The following SLC8A1 variants were observed in gnomAD, a reference collection of about 807,000 sequenced individuals.
SLC8A1 encodes the protein solute carrier family 8 member A1.
SLC8A1 carries 18 observed loss-of-function variants against 68.3 expected under a neutral mutation model. The ratio of observed to expected loss-of-function variants is 0.26; its 90% CI spans 0.18 to 0.39. The LOEUF is 0.39. Ranked by LOEUF, SLC8A1 falls within the 10% of genes least tolerant of loss-of-function variation. The pLI, the probability that SLC8A1 is intolerant of heterozygous loss-of-function variation, is 1.00. For synonymous variants in SLC8A1, 475 were observed against 415.5 expected (o/e 1.14, Z -1.74); for missense variants, 985 against 1,156.7 (o/e 0.85, Z 2.15).
intron 2 of SLC8A1, among the ~76,000 whole-genome samples, chr2:40,380,298 T>C (rs1681323673): frequency 6.6e-6 from 1 of 152,190 alleles, no homozygotes; most frequent in African/African-American, 2.4e-5. Flanking sequence ...GGCCCTTGCC[T>C]TCACAGTCTA....
intron 1 of SLC8A1, among the ~76,000 whole-genome samples, chr2:40,494,978 A>G (rs1211784441): frequency 6.6e-6 from 1 of 151,828 alleles, no homozygotes; most frequent in East Asian, 1.9e-4. Flanking sequence ...AAAAAACTGA[A>G]GCAAAGATTG....
intron 2 of SLC8A1, among the ~76,000 whole-genome samples, chr2:40,362,048 C>G (rs1284406941): frequency 6.6e-6 from 1 of 151,462 alleles, no homozygotes; most frequent in Non-Finnish European, 1.5e-5. Context: ...GCATGCACCA[C>G]CATGCCCTGC....
At chr2:40,275,066 A>T (rs931839067) in intron 2 of SLC8A1, among the ~76,000 whole-genome samples, 1 of 152,254 alleles carries the variant, frequency 6.6e-6, no homozygotes, top group Admixed American at 6.5e-5. Flanking sequence ...ATTAGTATTA[A>T]AACAATTGAC....
intron 1 of SLC8A1, among the ~76,000 whole-genome samples, chr2:40,472,080 G>C (rs923550762): frequency 3.3e-5 from 5 of 152,140 alleles, no homozygotes; most frequent in Non-Finnish European, 7.4e-5. Flanking sequence ...CATGGAAGTG[G>C]AGGAATCAAA....
chr2:40,406,640 A>T (rs1690438208), intron 2 of SLC8A1, among the ~76,000 whole-genome samples: 1 of 152,152 alleles, frequency 6.6e-6, no homozygotes, highest in Non-Finnish European at 1.5e-5. Flanking sequence ...TCAGTGTGGC[A>T]GAGCTGTGGG....
chr2:40,358,854 G>A (rs1331999020), intron 2 of SLC8A1, among the ~76,000 whole-genome samples: 1 of 152,148 alleles, frequency 6.6e-6, no homozygotes, highest in African/African-American at 2.4e-5. Flanking sequence ...TCTGAAGGAG[G>A]GATATGCTTC....
At chr2:40,358,048 GAAAAAAAAAA>G (rs776231355) in intron 2 of SLC8A1, among the ~76,000 whole-genome samples, 2 of 77,740 alleles carry the variant, frequency 2.6e-5, no homozygotes, top group Middle Eastern at 8.6e-3. Flanking sequence ...GCAACTGAAG[GAAAAAAAAAA>G]AAAAAAAAAA....
upstream of SLC8A1, among the ~76,000 whole-genome samples, chr2:40,454,544 T>A (rs1381088103): frequency 6.6e-6 from 1 of 151,808 alleles, no homozygotes; most frequent in African/African-American, 2.4e-5. Flanking sequence ...GCCACTTGAT[T>A]CTTCCTCTTT....
At chr2:40,225,883 G>C (rs1351242888) in intron 2 of SLC8A1, among the ~76,000 whole-genome samples, 2 of 152,160 alleles carry the variant, frequency 1.3e-5, no homozygotes, top group African/African-American at 4.8e-5. Context: ...TTTATCACTT[G>C]AATGGCAAGC....
chr2:40,492,189 A>G (rs988544278), intron 1 of SLC8A1, among the ~76,000 whole-genome samples: 5 of 152,094 alleles, frequency 3.3e-5, no homozygotes, highest in East Asian at 1.9e-4. Context: ...AAATAACGCC[A>G]CATATCTACA....
At chr2:40,281,068 T>C (rs1043222293) in intron 2 of SLC8A1, among the ~76,000 whole-genome samples, 1 of 152,208 alleles carries the variant, frequency 6.6e-6, no homozygotes, top group Non-Finnish European at 1.5e-5. Context: ...GCCTGCTTAG[T>C]TTTGATGGAA....
intron 2 of SLC8A1, among the ~76,000 whole-genome samples, chr2:40,396,889 C>G (rs1167184536): frequency 6.6e-6 from 1 of 151,706 alleles, no homozygotes; most frequent in African/African-American, 2.4e-5. Context: ...AGCTAGTCCA[C>G]AGGGATCCAC....
chr2:40,314,699 G>A (rs144990843), intron 2 of SLC8A1, among the ~76,000 whole-genome samples: 2 of 152,028 alleles, frequency 1.3e-5, no homozygotes, highest in African/African-American at 4.8e-5. Flanking sequence ...TTAATTTTCA[G>A]TGTACAAGTC....
chr2:40,448,405 T>C (rs1701841844), intron 1 of SLC8A1, among the ~76,000 whole-genome samples: 2 of 152,166 alleles, frequency 1.3e-5, no homozygotes, highest in African/African-American at 4.8e-5. Context: ...AGGCAGACGC[T>C]GAAAGCTCAC....
chr2:40,115,691 G>T, intron 7 of SLC8A1, 62 bp from the exon 11 acceptor site: 2 of 1,550,846 alleles, frequency 1.3e-6, no homozygotes, highest in Non-Finnish European at 1.7e-6. Flanking sequence ...TTGGAGTGCT[G>T]CAAGCTTCAG....
intron 1 of SLC8A1, among the ~76,000 whole-genome samples, chr2:40,484,092 T>C (rs746167672): frequency 2.6e-5 from 4 of 152,212 alleles, no homozygotes; most frequent in African/African-American, 4.8e-5. Flanking sequence ...TAATATAACA[T>C]GACTATATAT....
Position 40,485,292 on chromosome 2 carries a change from C to A in SLC8A1, c.-25+27057G>T, listed in dbSNP as rs372832919. On this transcript the variant is annotated intron_variant, in intron 1 of 7. Coordinates refer to the SLC8A1 transcript ENST00000402441. Reference sequence around the variant, plus strand: ...TTCTAAATTGGAACTACATCAATGTCTTAGGCGATTGTAGAACTTCTCCTA... The same window carrying A: ...TTCTAAATTGGAACTACATCAATGTATTAGGCGATTGTAGAACTTCTCCTA... Among the ~76,000 whole-genome samples the A allele has an allele frequency of 3.9e-5, 6 of 152,132 alleles. No individual in the cohort carries two copies. In the East Asian group the frequency reaches 7.7e-4, roughly 20 times the overall value.
chr2:40,345,377 A>G (rs1668923748), intron 2 of SLC8A1, among the ~76,000 whole-genome samples: 2 of 152,174 alleles, frequency 1.3e-5, no homozygotes, highest in Admixed American at 6.5e-5. Context: ...GAAGTGTGAT[A>G]GGGTAGAAAA....
rs190671323 is a variant in SLC8A1, at chr2:40,198,388, A to G, written c.1809-20533T>C. Among the ~76,000 whole-genome samples, 25 of 152,090 alleles carry G rather than the reference A, an allele frequency of 1.6e-4. No homozygotes were observed. In the East Asian group the frequency reaches 4.7e-3, roughly 28 times the overall value. On this transcript the variant is annotated intron_variant, in intron 2 of 7. Transcript: ENST00000406785. ...TTTCCCAAGCCTAGAAAGATGATAT[A>G]TAATTATCACCATTATATATTTATT...
Sources: allele counts gnomAD v4.1 joint callset (sites outside exome capture counted in the v4.1 genomes callset), GRCh38; gene constraint gnomAD v4.1.1; transcripts MANE v1.5; gene names NCBI Gene and HGNC (gene_info 2026-07-23, HGNC 2026-07-21).